The following COL27A1 variants were observed in gnomAD, a reference collection of about 807,000 sequenced individuals.
COL27A1 encodes the protein collagen type XXVII alpha 1 chain, also known as collagen alpha-1(XXVII) chain.
COL27A1 carries 106 observed loss-of-function variants against 251.3 expected under a neutral mutation model. That is an observed-to-expected ratio of 0.42 (90% CI 0.36 to 0.50). The LOEUF is 0.50. COL27A1 is among the 20% of genes least tolerant of loss of function. The probability of loss-of-function intolerance (pLI) is 0.00; values close to 1 mark genes in which losing one functional copy is unlikely to be tolerated. For synonymous variants in COL27A1, 1,000 were observed against 986.3 expected (o/e 1.01, Z -0.26); for missense variants, 2,325 against 2,522.8 (o/e 0.92, Z 1.68).
Position 114,155,875 on chromosome 9 carries a change from G to A in COL27A1, c.-76G>A. On this transcript the variant is annotated 5_prime_UTR_variant, in exon 1 of 61. Transcript: ENST00000356083. The surrounding 1 kb of genome is among the most constrained non-coding windows in gnomAD (Gnocchi z 5.5). ...GCTCTAAGCCGGCCTGGCGCGGCGG[G>A]GCGGGGGGCTGGCGGCCCCATGGGG... 9.2e-7 allele frequency: 1 copy of A among 1,087,630 alleles called. No individual in the cohort carries two copies. The highest frequency in any genetic ancestry group is 1.1e-6 in the Non-Finnish European group (1 of 889,496). The allele number at this position is 1,087,630 out of a possible 1,614,324, so 67.4% of individuals were successfully genotyped here.
intron 2 of COL27A1, among the ~76,000 whole-genome samples, chr9:114,164,159 GAGCCCCCTCTATAA>G (rs1460040846): frequency 1.3e-5 from 2 of 152,114 alleles, no homozygotes; most frequent in African/African-American, 4.8e-5. Flanking sequence ...TGACTCTTCT[GAGCCCCCTCTATAA>G]AGTGAGGATA....
Position 114,294,338 on chromosome 9 carries a change from C to G in COL27A1, c.4584+2128C>G, listed in dbSNP as rs866555910. On this transcript the variant is annotated intron_variant, in intron 49 of 60. Coordinates refer to ENST00000356083, the MANE Select transcript of COL27A1 (RefSeq NM_032888.4). ...GGAGAAGAATAATTCCCAACTCTTT[C>G]CTTGAGGCTGATTCTACCCTGATGT... Among the ~76,000 whole-genome samples, 13 of 151,754 alleles carry G rather than the reference C, an allele frequency of 8.6e-5. No homozygotes were observed. In the South Asian group the frequency reaches 1.0e-3, roughly 12 times the overall value.
chr9:114,185,219 A>G (rs1828250879), intron 5 of COL27A1, among the ~76,000 whole-genome samples: 1 of 152,204 alleles, frequency 6.6e-6, no homozygotes. Context: ...TGGAGCTGGG[A>G]ACCATGGACT....
rs951272522 is a variant in COL27A1, at chr9:114,166,132, C to G, written c.134-1557C>G. On this transcript the variant is annotated intron_variant, in intron 2 of 60. Coordinates refer to ENST00000356083, the MANE Select transcript of COL27A1 (RefSeq NM_032888.4). ...CCATCCATCCCTTCATCTATTCATC[C>G]ATTTATCCATCCATCCGTCCATCCA... 5.3e-5 allele frequency among the ~76,000 whole-genome samples: 8 copies of G among 151,918 alleles called. No individual in the cohort carries two copies. In the South Asian group the frequency reaches 1.7e-3, roughly 32 times the overall value.
intron 6 of COL27A1, among the ~76,000 whole-genome samples, 181 bp downstream of exon 6, chr9:114,194,638 C>T (rs1225331165): frequency 6.6e-6 from 1 of 152,234 alleles, no homozygotes; most frequent in Non-Finnish European, 1.5e-5. Flanking sequence ...CCTTTCCCAA[C>T]ACCAAACCCA....
intron 13 of COL27A1, among the ~76,000 whole-genome samples, chr9:114,220,576 A>C (rs1479061531): frequency 6.6e-6 from 1 of 152,138 alleles, no homozygotes; most frequent in Non-Finnish European, 1.5e-5. Context: ...TATAGCCTTG[A>C]CCTCAGAACC....
rs191726657 is a variant in COL27A1, at chr9:114,265,509, T to C, written c.3393+34T>C. The C allele has an allele frequency of 1.1e-4, 177 of 1,607,676 alleles. No individual in the cohort carries two copies. The East Asian group carries it at 3.6e-3, about 33-fold the overall frequency. ...CCTTTCCTTCCCTCTTCTGCTTCTTTGCCGCTGGCACCTGGGGGTGTGGGC... is the reference window on the plus strand; with the variant it reads ...CCTTTCCTTCCCTCTTCTGCTTCTTCGCCGCTGGCACCTGGGGGTGTGGGC... On this transcript the variant is annotated intron_variant, in intron 32 of 60. Coordinates refer to ENST00000356083, the MANE Select transcript of COL27A1 (RefSeq NM_032888.4).
chr9:114,190,811 C>A (rs536612594), intron 5 of COL27A1, among the ~76,000 whole-genome samples: 1 of 152,234 alleles, frequency 6.6e-6, no homozygotes, highest in African/African-American at 2.4e-5. Context: ...GTGGCTTGCT[C>A]AAGGTCACAC....
chr9:114,273,976 T>C (rs1312621259), intron 36 of COL27A1: 1 of 151,858 alleles, frequency 6.6e-6, no homozygotes, highest in African/African-American at 2.4e-5. Flanking sequence ...GTGCAGTGGC[T>C]CACACCTGTA....
At chr9:114,307,916 C>T (rs375830801) in intron 59 of COL27A1, 138 bp downstream of exon 59, 26 of 594,718 alleles carry the variant, frequency 4.4e-5, no homozygotes, top group African/African-American at 7.5e-5. Context: ...CGCCTCCTTC[C>T]GAGACTCAGT....
rs771482617 is a variant in COL27A1, at chr9:114,169,117, C to T, written c.1562C>T (p.Pro521Leu). The T allele has an allele frequency of 6.2e-7, 1 of 1,614,172 alleles. No homozygotes were observed. Among genetic ancestry groups the T allele is most frequent in the East Asian group, 2.2e-5 (1 of 44,880 alleles). Residue 521 changes from proline (P) to leucine (L), a missense_variant, in exon 3 of 61, where the codon CCT (proline) becomes CTT (leucine). Pro to Leu is a moderately conservative substitution (Grantham distance 98). Around this residue, in one of 4 missense-constraint regions of COL27A1, gnomAD observed 1,183 missense variants for 1,144.1 expected, o/e 1.03. Coordinates refer to ENST00000356083, the MANE Select transcript of COL27A1 (RefSeq NM_032888.4). ...TSGTSTPRTA[P>L]AVPTPGSAPT... ...GGCACCAGCACTCCCAGAACAGCAC[C>T]TGCCGTCCCCACTCCTGGCTCAGCT...
intron 36 of COL27A1, 120 bp downstream of exon 36, chr9:114,270,901 G>C: frequency 1.3e-6 from 1 of 795,418 alleles, no homozygotes; most frequent in Non-Finnish European, 2.1e-6. Context: ...GACAGCTCCA[G>C]CTCCCATTGA....
At chr9:114,182,177 A>ATAATAATAAT (rs146953062) in intron 4 of COL27A1, among the ~76,000 whole-genome samples, 1 of 138,120 alleles carries the variant, frequency 7.2e-6, no homozygotes, top group African/African-American at 2.6e-5. Flanking sequence ...CATCTCTATA[A>ATAATAATAAT]AATAATAATA....
chr9:114,281,042 G>A (rs907847542), intron 37 of COL27A1, among the ~76,000 whole-genome samples: 1 of 152,164 alleles, frequency 6.6e-6, no homozygotes, highest in Non-Finnish European at 1.5e-5. Context: ...ATCACAATTA[G>A]TCAGTGCCTC....
chr9:114,190,693 A>G (rs1301300166), intron 5 of COL27A1, among the ~76,000 whole-genome samples: 3 of 152,180 alleles, frequency 2.0e-5, no homozygotes, highest in Non-Finnish European at 4.4e-5. Context: ...CATAGTTCCC[A>G]TTCCTGCTAT....
At chr9:114,263,722 G>C (rs1286194128) in intron 28 of COL27A1, among the ~76,000 whole-genome samples, 1 of 152,172 alleles carries the variant, frequency 6.6e-6, no homozygotes, top group East Asian at 1.9e-4. Context: ...TCCTGTGTCA[G>C]GGGTCAGGCC....
At chr9:114,292,059 C>A in intron 48 of COL27A1, 44 bp from the exon 49 acceptor site, 1 of 1,515,496 alleles carries the variant, frequency 6.6e-7, no homozygotes, top group Non-Finnish European at 9.0e-7. Context: ...TGCCTTAGAA[C>A]CCCTTCCCAC....
At chr9:114,208,063 A>G (rs1395671407) in intron 10 of COL27A1, among the ~76,000 whole-genome samples, 1 of 152,074 alleles carries the variant, frequency 6.6e-6, no homozygotes. Context: ...GTTCTACCAC[A>G]TTTCAGCTGT....
chr9:114,189,297 T>C (rs2135212960), intron 5 of COL27A1, among the ~76,000 whole-genome samples: 1 of 152,334 alleles, frequency 6.6e-6, no homozygotes, highest in South Asian at 2.1e-4. Context: ...GTTAACCACT[T>C]GTTAAACCAT....
Sources: allele counts gnomAD v4.1 joint callset (sites outside exome capture counted in the v4.1 genomes callset), GRCh38; gene constraint gnomAD v4.1.1; regional missense constraint gnomAD v4.1.1; non-coding constraint Gnocchi (gnomAD v3.1); transcripts MANE v1.5; gene names NCBI Gene and HGNC (gene_info 2026-07-23, HGNC 2026-07-21).